The following PRKN variants were observed in gnomAD, a reference collection of about 807,000 sequenced individuals.
PRKN encodes parkin RBR E3 ubiquitin protein ligase.
PRKN carries 56 observed loss-of-function variants against 59.5 expected under a neutral mutation model. The ratio of observed to expected loss-of-function variants is 0.94; its 90% confidence interval spans 0.76 to 1.18. PRKN has a LOEUF of 1.18. Among genes scored for constraint, PRKN ranks in the 50% most tolerant of loss-of-function variants. The pLI, the probability that PRKN is intolerant of heterozygous loss-of-function variation, is 0.00. For synonymous variants in PRKN, 250 were observed against 222.1 expected (o/e 1.13, Z -1.12); for missense variants, 657 against 596.4 (o/e 1.10, Z -1.06).
chr6:161,906,323 G>A (rs536278702), intron 6 of PRKN, among the ~76,000 whole-genome samples: 15 of 152,262 alleles, frequency 9.9e-5, no homozygotes, highest in African/African-American at 3.4e-4. Context: ...GATAAGAACT[G>A]GAATAGGTAC....
intron 1 of PRKN, among the ~76,000 whole-genome samples, chr6:162,635,647 T>C (rs1235359340): frequency 2.6e-5 from 4 of 152,188 alleles, no homozygotes; most frequent in Non-Finnish European, 4.4e-5. Context: ...CTTAATTTGG[T>C]TGACATTTAG....
chr6:161,985,051 T>G (rs987260453), intron 5 of PRKN, among the ~76,000 whole-genome samples: 2 of 152,192 alleles, frequency 1.3e-5, no homozygotes, highest in African/African-American at 4.8e-5. Flanking sequence ...CAGCTTCCCC[T>G]GCATTTCTCT....
In PRKN at chr6:162,393,155, C is replaced by CTTTT. The variant is rs1177332315; in HGVS notation, c.171+50151_171+50154dup. Among the ~76,000 whole-genome samples, 66 of 80,154 alleles carry CTTTT rather than the reference C, an allele frequency of 8.2e-4. 8 individuals are homozygous for CTTTT. Among genetic ancestry groups the CTTTT allele is most frequent in the East Asian group, 4.8e-3 (8 of 1,682 alleles). 52.6% of individuals were successfully genotyped at this position (80,154 alleles called of 152,430 possible). A position where few individuals can be genotyped will look rare whatever the true frequency, so the allele number is the denominator to read the frequency against. Reference sequence around the variant, plus strand: ...TGATACTGGGTGAGGATAGGAGATTCTTTTTTTTTTTTTTTTTTTTTTGAG... The same window carrying CTTTT: ...TGATACTGGGTGAGGATAGGAGATTCTTTTTTTTTTTTTTTTTTTTTTTTTTGAG... On this transcript the variant is annotated intron_variant, in intron 2 of 11. Transcript: ENST00000366898.
At chr6:161,380,262 C>A (rs990099581) in intron 10 of PRKN, among the ~76,000 whole-genome samples, 5 of 152,140 alleles carry the variant, frequency 3.3e-5, no homozygotes, top group African/African-American at 1.2e-4. Flanking sequence ...CCTCCAACCC[C>A]GTGGAGAACT....
rs201554254 is a variant in PRKN at position 162,235,969 on chromosome 6, GAA to G, written c.412+26554_412+26555del. On this transcript the variant is annotated intron_variant, in intron 3 of 11. Transcript: ENST00000366898. ...AGGAAGGAAGAAAGGAAGAAAGAAA[GAA>G]AGAAAGAAAGAAAGAAAGAAAGAAA... Among the ~76,000 whole-genome samples, 5 of 76,620 alleles carry G rather than the reference GAA, an allele frequency of 6.5e-5. 1 individual carries two copies. Among genetic ancestry groups the G allele is most frequent in the African/African-American group, 2.8e-4 (5 of 18,084 alleles). The allele number at this position is 76,620 out of a possible 152,430, so 50.3% of individuals were successfully genotyped here.
At chr6:162,078,228 G>A (rs1005519953) in intron 4 of PRKN, among the ~76,000 whole-genome samples, 5 of 151,666 alleles carry the variant, frequency 3.3e-5, no homozygotes, top group Non-Finnish European at 5.9e-5. Flanking sequence ...CATTTTTCAC[G>A]GTTTTAACTT....
In PRKN at chr6:161,549,154, A is replaced by G; in HGVS notation, c.934-151T>C. 2.5e-6 allele frequency: 2 copies of G among 816,242 alleles called. No individual in the cohort carries two copies. The highest frequency in any genetic ancestry group is 2.1e-5 in the Admixed American group (1 of 48,646). 50.6% of individuals were successfully genotyped at this position (816,242 alleles called of 1,614,324 possible). On this transcript the variant is annotated intron_variant, in intron 8 of 11. Coordinates refer to ENST00000366898, the MANE Select transcript of PRKN (RefSeq NM_004562.3). This position sits in a 1 kb window ranked among gnomAD's most constrained non-coding sequence, Gnocchi z 6.0. ...TGTGTGTGTGTGTAGGGGGAGGGAG[A>G]GGGCCACGGGGTTGATAGGGGAGGA... is the stretch of plus-strand genomic sequence containing the variant.
chr6:162,350,003 G>A (rs955409208), intron 2 of PRKN, among the ~76,000 whole-genome samples: 8 of 152,120 alleles, frequency 5.3e-5, no homozygotes, highest in African/African-American at 1.9e-4. Flanking sequence ...TAGCCAAGTT[G>A]GAAGAGAATA....
chr6:161,901,058 G>T (rs1777899010), intron 6 of PRKN, among the ~76,000 whole-genome samples: 1 of 151,376 alleles, frequency 6.6e-6, no homozygotes, highest in Non-Finnish European at 1.5e-5. Context: ...TGGCACTACA[G>T]GCACATGCCA....
chr6:162,377,908 T>C (rs1230057875), intron 2 of PRKN, among the ~76,000 whole-genome samples: 1 of 152,150 alleles, frequency 6.6e-6, no homozygotes, highest in Non-Finnish European at 1.5e-5. Flanking sequence ...AGATGGTTCT[T>C]GGGCAAGAGG....
intron 6 of PRKN, among the ~76,000 whole-genome samples, chr6:161,950,909 AC>A (rs2128245819): frequency 6.6e-6 from 1 of 150,946 alleles, no homozygotes; most frequent in South Asian, 2.1e-4. Context: ...GAGTGAAGAC[AC>A]TGAAACAAGA....
At chr6:162,107,715 C>T (rs1780251989) in intron 4 of PRKN, among the ~76,000 whole-genome samples, 1 of 152,138 alleles carries the variant, frequency 6.6e-6, no homozygotes, top group South Asian at 2.1e-4. Context: ...TTGCTGTGAA[C>T]TAGGCATCAG....
intron 4 of PRKN, among the ~76,000 whole-genome samples, chr6:162,085,014 G>A (rs1256147182): frequency 6.6e-6 from 1 of 150,986 alleles, no homozygotes; most frequent in Non-Finnish European, 1.5e-5. Context: ...ATCACTCATT[G>A]CTATATTGAT....
intron 4 of PRKN, among the ~76,000 whole-genome samples, chr6:162,072,298 T>G (rs1240356878): frequency 2.0e-5 from 3 of 151,950 alleles, no homozygotes; most frequent in African/African-American, 7.2e-5. Flanking sequence ...AAAAAAAATA[T>G]TAAACAGGCA....
rs1009957984 is a variant in PRKN, at chr6:161,458,874, C to T, written c.1084-71997G>A. Among the ~76,000 whole-genome samples the T allele has an allele frequency of 6.6e-6, 1 of 151,718 alleles. No homozygotes were observed. Among genetic ancestry groups the T allele is most frequent in the Admixed American group, 6.6e-5 (1 of 15,256 alleles). ...ATGGTCACTATGACTTGCTAGTATCCTTGGTCTAAACCTTATAATTACCAG... is the reference window on the plus strand; with the variant it reads ...ATGGTCACTATGACTTGCTAGTATCTTTGGTCTAAACCTTATAATTACCAG... On this transcript the variant is annotated intron_variant, in intron 9 of 11. Transcript: ENST00000366898. The surrounding 1 kb of genome is among the most constrained non-coding windows in gnomAD (Gnocchi z 6.1).
chr6:161,752,397 A>G (rs1788734950), intron 7 of PRKN, among the ~76,000 whole-genome samples: 1 of 152,086 alleles, frequency 6.6e-6, no homozygotes, highest in Non-Finnish European at 1.5e-5. Flanking sequence ...CAAAACAAAC[A>G]AAAAACTCGC....
At chr6:161,798,858 C>T (rs938958041) in intron 6 of PRKN, among the ~76,000 whole-genome samples, 1 of 152,130 alleles carries the variant, frequency 6.6e-6, no homozygotes, top group African/African-American at 2.4e-5. Flanking sequence ...AGACAGGCTC[C>T]CTGGGTCAGC....
rs1368932164 is a variant in PRKN, at chr6:161,483,456, A to G, written c.1083+65398T>C. 6.6e-6 allele frequency among the ~76,000 whole-genome samples: 1 copy of G among 152,190 alleles called. No individual in the cohort carries two copies. The highest frequency in any genetic ancestry group is 1.5e-5 in the Non-Finnish European group (1 of 68,030). ...AGGATGCTTGCCTTCATGAACTTTC[A>G]GGCCTCATCTATAAGGTCAGGAAAG... is the stretch of plus-strand genomic sequence containing the variant. On this transcript the variant is annotated intron_variant, in intron 9 of 11. Coordinates refer to ENST00000366898, the MANE Select transcript of PRKN (RefSeq NM_004562.3). This position sits in a 1 kb window ranked among gnomAD's most constrained non-coding sequence, Gnocchi z 5.0.
rs1780152588 is a variant in PRKN, at chr6:161,554,403, T to TACAA, written c.934-5401_934-5400insTTGT. Among the ~76,000 whole-genome samples, 1 of 146,990 alleles carries TACAA rather than the reference T, an allele frequency of 6.8e-6. No homozygotes were observed. Among genetic ancestry groups the TACAA allele is most frequent in the Non-Finnish European group, 1.5e-5 (1 of 66,882 alleles). On this transcript the variant is annotated intron_variant, in intron 8 of 11. Transcript: ENST00000366898. The surrounding 1 kb of genome is among the most constrained non-coding windows in gnomAD (Gnocchi z 4.5). ...TAACCTTCATGTTATCTTACTTCTA[T>TACAA]ACACACACACACACACACACACACA... is the stretch of plus-strand genomic sequence containing the variant.
Sources: gnomAD v4.1 joint callset for allele counts (sites outside exome capture counted in the v4.1 genomes callset) on GRCh38, gnomAD v4.1.1 for gene constraint, Gnocchi (gnomAD v3.1) non-coding constraint, MANE v1.5 for transcripts, NCBI Gene and HGNC (gene_info 2026-07-23, HGNC 2026-07-21) for gene names.